SASH1: variants seen among roughly 807,000 people sequenced by gnomAD.
The protein encoded by SASH1 is SAM and SH3 domain-containing protein 1.
A neutral mutation model predicts 125.2 loss-of-function variants in SASH1; 44 were observed. The observed-to-expected ratio is 0.35, with a 90% CI of 0.28 to 0.45. The LOEUF is 0.45. Among genes scored for constraint, SASH1 ranks in the 20% least tolerant of loss-of-function variants. The probability of loss-of-function intolerance (pLI) is 1.00; values close to 1 mark genes in which losing one functional copy is unlikely to be tolerated. For synonymous variants in SASH1, 639 were observed against 649.1 expected (o/e 0.98, Z 0.24); for missense variants, 1,426 against 1,614.5 (o/e 0.88, Z 2.00).
rs146357902 is a variant in SASH1, at chr6:148,299,028, C to T, written n.74+26651C>T. Among the ~76,000 whole-genome samples the T allele has an allele frequency of 2.3e-3, 357 of 152,298 alleles. 1 individual carries two copies. Among genetic ancestry groups the T allele is most frequent in the African/African-American group, 8.2e-3 (340 of 41,574 alleles). ...TAAGTAATTCACAAATAAAAGCACA[C>T]AGACAATTTTGCAAGCATTTAAAAA... is the stretch of plus-strand genomic sequence containing the variant. On this transcript the variant is annotated intron_variant and non_coding_transcript_variant, in intron 1 of 3. Coordinates refer to the SASH1 transcript ENST00000367469.
chr6:148,216,890 G>C, the SASH1 span, among the ~76,000 whole-genome samples: 3 of 152,008 alleles, frequency 2.0e-5, no homozygotes, highest in Non-Finnish European at 4.4e-5. Context: ...ACCATGCCCG[G>C]CTAATTTTTT....
At chr6:148,290,464 G>A (rs1220416471) in intron 1 of SASH1, among the ~76,000 whole-genome samples, 1 of 151,774 alleles carries the variant, frequency 6.6e-6, no homozygotes, top group Admixed American at 6.6e-5. Flanking sequence ...AAATTAGCCG[G>A]GCGTGGTGGC....
At chr6:148,375,434 C>A (rs1186067779) in intron 1 of SASH1, among the ~76,000 whole-genome samples, 1 of 150,926 alleles carries the variant, frequency 6.6e-6, no homozygotes, top group African/African-American at 2.4e-5. Flanking sequence ...ACTTACTTAA[C>A]AGAAATCCCT....
intron 1 of SASH1, among the ~76,000 whole-genome samples, chr6:148,289,294 G>C (rs1288162633): frequency 6.6e-6 from 1 of 152,182 alleles, no homozygotes; most frequent in Admixed American, 6.5e-5. Context: ...AGGGATGGCC[G>C]GTGTTGACTC....
the SASH1 span, among the ~76,000 whole-genome samples, chr6:148,255,638 T>A: frequency 4.1e-4 from 62 of 152,170 alleles, 1 homozygote; most frequent in South Asian, 0.01. Flanking sequence ...GCTTTTTTTT[T>A]ATTTGTTTTT....
intron 1 of SASH1, among the ~76,000 whole-genome samples, chr6:148,362,075 A>G (rs547747740): frequency 3.8e-4 from 56 of 148,340 alleles, no homozygotes; most frequent in Middle Eastern, 3.8e-3. Context: ...AACCACGCCC[A>G]GCTATTTTTT....
chr6:148,508,661 G>C, intron 8 of SASH1: 2 of 1,165,572 alleles, frequency 1.7e-6, no homozygotes, highest in Non-Finnish European at 1.1e-6. Flanking sequence ...ATTGAATCCA[G>C]TGTCTTCCCC....
intron 1 of SASH1, among the ~76,000 whole-genome samples, chr6:148,331,091 C>A (rs982214011): frequency 6.6e-6 from 1 of 152,040 alleles, no homozygotes; most frequent in Non-Finnish European, 1.5e-5. Flanking sequence ...TTGGTTCCTG[C>A]CTTAAACAGT....
At chr6:148,232,084 G>T in the SASH1 span, among the ~76,000 whole-genome samples, 2 of 152,066 alleles carry the variant, frequency 1.3e-5, no homozygotes, top group Non-Finnish European at 2.9e-5. Flanking sequence ...CAAAGTCCAT[G>T]CTCTTACTCG....
chr6:148,274,512 T>G (rs191260167), intron 1 of SASH1, among the ~76,000 whole-genome samples: 1 of 152,284 alleles, frequency 6.6e-6, no homozygotes, highest in East Asian at 1.9e-4. Context: ...GGCTTTCTTT[T>G]AGAAAAGGAA....
chr6:148,530,448 T>C (rs964077832), intron 12 of SASH1, among the ~76,000 whole-genome samples: 12 of 152,132 alleles, frequency 7.9e-5, no homozygotes, highest in Non-Finnish European at 4.4e-5. Flanking sequence ...TTCCTAATAA[T>C]GTCAGCTCTA....
At chr6:148,213,811 T>G in the SASH1 span, among the ~76,000 whole-genome samples, 1 of 152,122 alleles carries the variant, frequency 6.6e-6, no homozygotes, top group Non-Finnish European at 1.5e-5. Context: ...TGCAAACCAC[T>G]GTCAGGGCCC....
At chr6:148,339,411 T>C (rs978481320), upstream of SASH1, among the ~76,000 whole-genome samples, 1 of 151,640 alleles carries the variant, frequency 6.6e-6, no homozygotes, top group African/African-American at 2.4e-5. Context: ...TCCCTATCCA[T>C]TGATTAAGAA....
At chr6:148,438,917 C>G (rs539548599) in intron 2 of SASH1, among the ~76,000 whole-genome samples, 1 of 152,080 alleles carries the variant, frequency 6.6e-6, no homozygotes, top group Admixed American at 6.5e-5. Context: ...ACTCTATATT[C>G]GTGCTGGATT....
At chr6:148,413,256 C>T (rs902888548) in intron 2 of SASH1, among the ~76,000 whole-genome samples, 9 of 152,138 alleles carry the variant, frequency 5.9e-5, no homozygotes, top group African/African-American at 2.2e-4. Flanking sequence ...GGGAGAATGA[C>T]CCAAGGATTA....
intron 8 of SASH1, among the ~76,000 whole-genome samples, chr6:148,500,455 T>C (rs1779519402): frequency 6.6e-6 from 1 of 152,212 alleles, no homozygotes; most frequent in Non-Finnish European, 1.5e-5. Context: ...CTTTCATTCA[T>C]TTTTTGAATT....
At chr6:148,362,202 C>A (rs1461581317) in intron 1 of SASH1, among the ~76,000 whole-genome samples, 1 of 150,334 alleles carries the variant, frequency 6.7e-6, no homozygotes, top group East Asian at 2.0e-4. Flanking sequence ...GCTGGGATTA[C>A]AGGCGTGAGC....
At chr6:148,339,004 T>A (rs1385828255), upstream of SASH1, among the ~76,000 whole-genome samples, 59 of 88,202 alleles carry the variant, frequency 6.7e-4, no homozygotes, top group African/African-American at 2.4e-3. Context: ...ACTCTGTCTT[T>A]AAAAAAAAAA....
At chr6:148,362,818 A>G (rs998935355) in intron 1 of SASH1, among the ~76,000 whole-genome samples, 6 of 152,138 alleles carry the variant, frequency 3.9e-5, no homozygotes, top group Non-Finnish European at 8.8e-5. Context: ...ACTGCACTCC[A>G]GCCCGGGAAA....
Sources: gnomAD v4.1 joint callset for allele counts (sites outside exome capture counted in the v4.1 genomes callset) on GRCh38, gnomAD v4.1.1 for gene constraint, MANE v1.5 for transcripts, NCBI Gene and HGNC (gene_info 2026-07-23, HGNC 2026-07-21) for gene names.